The following CCDC73 variants were observed in gnomAD, a reference collection of about 807,000 sequenced individuals.
The protein encoded by CCDC73 is coiled-coil domain containing 73.
CCDC73 carries 95 observed loss-of-function variants against 116.5 expected under a neutral mutation model. The ratio of observed to expected loss-of-function variants is 0.82; its 90% CI spans 0.69 to 0.97. The LOEUF (loss-of-function observed/expected upper bound fraction) is 0.97. Ranked by LOEUF, CCDC73 falls within the 50% of genes least tolerant of loss-of-function variation. The probability of loss-of-function intolerance (pLI) is 0.00; values close to 1 mark genes in which losing one functional copy is unlikely to be tolerated. For missense variants in CCDC73, 1,066 were observed against 1,206.8 expected (o/e 0.88, Z 1.73); for synonymous variants, 398 against 401.3 (o/e 0.99, Z 0.10).
At chr11:32,611,067 G>A (rs1855417447) in intron 17 of CCDC73, 65 bp downstream of exon 17, 8 of 1,513,868 alleles carry the variant, frequency 5.3e-6, no homozygotes, top group Admixed American at 1.7e-5. Flanking sequence ...GATGCGTACA[G>A]TTCTACACAT....
At chr11:32,793,017 G>GGAT (rs34802989) in intron 1 of CCDC73, among the ~76,000 whole-genome samples, 10,068 of 152,140 alleles carry the variant, frequency 0.066, 389 homozygotes, top group South Asian at 0.12. Context: ...AGTTATTACG[G>GGAT]GATACACGGC....
intron 14 of CCDC73, among the ~76,000 whole-genome samples, chr11:32,632,387 G>T (rs572769714): frequency 3.9e-5 from 6 of 152,076 alleles, no homozygotes; most frequent in Admixed American, 3.3e-4. Flanking sequence ...CACCATGCCC[G>T]GATAATTTTT....
At chr11:32,642,832 T>C (rs1053943910) in intron 12 of CCDC73, among the ~76,000 whole-genome samples, 4 of 151,840 alleles carry the variant, frequency 2.6e-5, no homozygotes, top group African/African-American at 9.7e-5. Context: ...GCTATGCACA[T>C]TCAGGTTAAA....
the CCDC73 span, among the ~76,000 whole-genome samples, chr11:32,810,951 T>C: frequency 1.7e-4 from 26 of 152,018 alleles, no homozygotes; most frequent in African/African-American, 6.3e-4. Context: ...GCCATCATGG[T>C]GAAACCCCAT....
chr11:32,687,813 A>G (rs1301014488), intron 6 of CCDC73, among the ~76,000 whole-genome samples: 1 of 152,110 alleles, frequency 6.6e-6, no homozygotes, highest in African/African-American at 2.4e-5. Flanking sequence ...GGTAACATGG[A>G]GAAATGGTTT....
chr11:32,680,237 G>A (rs1590590287), intron 7 of CCDC73: 1 of 152,170 alleles, frequency 6.6e-6, no homozygotes, highest in East Asian at 1.9e-4. Context: ...CTTTAGAGAT[G>A]TAAGAATATT....
chr11:32,739,540 T>C (rs1850165437), intron 2 of CCDC73, among the ~76,000 whole-genome samples: 1 of 152,186 alleles, frequency 6.6e-6, no homozygotes, highest in Non-Finnish European at 1.5e-5. Context: ...TTTTGTATGA[T>C]GATTTTGTAT....
At chr11:32,767,405 G>A (rs1002207397) in intron 1 of CCDC73, among the ~76,000 whole-genome samples, 1 of 152,134 alleles carries the variant, frequency 6.6e-6, no homozygotes, top group African/African-American at 2.4e-5. Flanking sequence ...CAGGACATAG[G>A]CATGGGCAAG....
At chr11:32,656,321 C>T (rs542804312) in intron 9 of CCDC73, among the ~76,000 whole-genome samples, 2 of 152,140 alleles carry the variant, frequency 1.3e-5, no homozygotes, top group South Asian at 2.1e-4. Context: ...CCTTCTGATC[C>T]GCCCGCCTCG....
At chr11:32,826,478 A>G in the CCDC73 span, among the ~76,000 whole-genome samples, 1 of 152,110 alleles carries the variant, frequency 6.6e-6, no homozygotes, top group Admixed American at 6.5e-5. Flanking sequence ...GTGAGTTTTC[A>G]TTTCATTCTT....
intron 4 of CCDC73, 146 bp from the exon 5 acceptor site, chr11:32,700,972 AAAT>A (rs1212535990): frequency 2.6e-6 from 1 of 382,886 alleles, no homozygotes; most frequent in Non-Finnish European, 4.8e-6. Context: ...TTCAGAAAAT[AAAT>A]AATAATGATA....
At chr11:32,772,822 G>A in intron 1 of CCDC73, among the ~76,000 whole-genome samples, 1 of 152,272 alleles carries the variant, frequency 6.6e-6, no homozygotes, top group Non-Finnish European at 1.5e-5. Flanking sequence ...TGACAAGGAT[G>A]TGAGAAATTG....
chr11:32,753,300 T>C (rs1850303869), intron 2 of CCDC73, among the ~76,000 whole-genome samples: 1 of 151,196 alleles, frequency 6.6e-6, no homozygotes, highest in African/African-American at 2.4e-5. Flanking sequence ...CTGCTTTTTT[T>C]TTTTTTTTTC....
At chr11:32,779,771 T>A (rs989477188) in intron 1 of CCDC73, among the ~76,000 whole-genome samples, 3 of 152,134 alleles carry the variant, frequency 2.0e-5, no homozygotes, top group Admixed American at 6.5e-5. Context: ...AAATATCACA[T>A]GCCTGAGAAA....
At chr11:32,673,179 T>C (rs1856054894) in intron 9 of CCDC73, among the ~76,000 whole-genome samples, 1 of 152,150 alleles carries the variant, frequency 6.6e-6, no homozygotes, top group African/African-American at 2.4e-5. Context: ...ATGTTCAACA[T>C]CATATGTCAT....
intron 2 of CCDC73, among the ~76,000 whole-genome samples, chr11:32,757,273 G>A (rs1850352552): frequency 6.6e-6 from 1 of 151,894 alleles, no homozygotes; most frequent in Non-Finnish European, 1.5e-5. Flanking sequence ...TAGAACAGGG[G>A]CTGCCTCTGG....
At chr11:32,808,341 C>G in the CCDC73 span, among the ~76,000 whole-genome samples, 1 of 152,074 alleles carries the variant, frequency 6.6e-6, no homozygotes, top group African/African-American at 2.4e-5. Flanking sequence ...TCAGATAAAA[C>G]AAGACAGGCC....
At chr11:32,676,078 A>G in intron 7 of CCDC73, 57 bp from the exon 8 acceptor site, 1 of 1,368,844 alleles carries the variant, frequency 7.3e-7, no homozygotes, top group South Asian at 1.7e-5. Context: ...ATCGCCACAC[A>G]CAACAAATAT....
chr11:32,716,448 G>T (rs893916916), intron 3 of CCDC73, among the ~76,000 whole-genome samples: 1 of 152,092 alleles, frequency 6.6e-6, no homozygotes, highest in Non-Finnish European at 1.5e-5. Context: ...AATCAAGTAT[G>T]ACTATTTCAT....
Sources: allele counts gnomAD v4.1 joint callset (sites outside exome capture counted in the v4.1 genomes callset), GRCh38; gene constraint gnomAD v4.1.1; transcripts MANE v1.5; gene names NCBI Gene and HGNC (gene_info 2026-07-23, HGNC 2026-07-21).